Variants in EHMT1 observed in about 807,000 individuals in gnomAD.
EHMT1 encodes the protein euchromatic histone lysine methyltransferase 1.
In EHMT1, 15 loss-of-function variants were observed where a neutral mutation model predicts 147.2. The ratio of observed to expected loss-of-function variants is 0.10; its 90% confidence interval spans 0.07 to 0.16. The LOEUF (loss-of-function observed/expected upper bound fraction) is 0.16, where lower values mean the gene tolerates loss of function less well. Ranked by LOEUF, EHMT1 falls within the 10% of genes least tolerant of loss-of-function variation. EHMT1 has a pLI of 1.00. For synonymous variants in EHMT1, 795 were observed against 709.6 expected (o/e 1.12, Z -1.91); for missense variants, 1,587 against 1,772.4 (o/e 0.90, Z 1.88).
At chr9:137,683,045 C>T (rs938415038) in intron 1 of EHMT1, among the ~76,000 whole-genome samples, 3 of 152,210 alleles carry the variant, frequency 2.0e-5, no homozygotes, top group African/African-American at 4.8e-5. Context: ...GTTTCTAGTT[C>T]TTTCCACAGC....
In EHMT1 at chr9:137,743,953, G is replaced by A. The variant is rs778061195; in HGVS notation, c.1033G>A (p.Glu345Lys). The A allele has an allele frequency of 6.2e-7, 1 of 1,613,820 alleles. No individual in the cohort carries two copies. The highest frequency in any genetic ancestry group is 8.5e-7 in the Non-Finnish European group (1 of 1,179,918). ...SSLHVNGESL[E>K]MDSDEDDSEE... ...CCTGCACGTGAATGGGGAGAGCCTG[G>A]AGATGGACTCGGATGAGGACGACTC... Residue 345 changes from glutamate (E) to lysine (K), a missense_variant, in exon 6 of 27, where the codon GAG (glutamate) becomes AAG (lysine). This residue lies in a region of EHMT1 where 810 missense variants were observed against 673.0 expected (regional missense o/e 1.20). Transcript: ENST00000460843.
At chr9:137,780,900 T>TGTGGTGATGACGCTGGGAC (rs1951405362) in intron 14 of EHMT1, among the ~76,000 whole-genome samples, 2 of 86,996 alleles carry the variant, frequency 2.3e-5, no homozygotes, top group African/African-American at 9.3e-5. Flanking sequence ...GACGCTGGGA[T>TGTGGTGATGACGCTGGGAC]GTGTGGTGAT....
chr9:137,752,224 C>T, intron 6 of EHMT1, 107 bp from the exon 7 acceptor site: 1 of 1,329,992 alleles, frequency 7.5e-7, no homozygotes, highest in East Asian at 2.5e-5. Context: ...GCGTGTGCGG[C>T]CAGTGCCCGT....
intron 1 of EHMT1, among the ~76,000 whole-genome samples, chr9:137,684,105 G>T (rs1052316917): frequency 6.6e-6 from 1 of 151,998 alleles, no homozygotes; most frequent in Non-Finnish European, 1.5e-5. Flanking sequence ...TTGCAGTCAC[G>T]GCTCACTGTA....
intron 1 of EHMT1, among the ~76,000 whole-genome samples, chr9:137,623,454 G>A (rs1049045767): frequency 1.3e-4 from 20 of 151,378 alleles, no homozygotes; most frequent in African/African-American, 3.9e-4. Context: ...CCGCTCCGTC[G>A]CCCAGGCTGG....
intron 1 of EHMT1, among the ~76,000 whole-genome samples, chr9:137,669,919 C>G (rs953581849): frequency 1.3e-5 from 2 of 152,194 alleles, no homozygotes; most frequent in Non-Finnish European, 1.5e-5. Context: ...GGCGTAATCT[C>G]GGCTCTCTGC....
chr9:137,817,579 C>T (rs1266933228), intron 24 of EHMT1, 54 bp downstream of exon 24: 2 of 1,607,436 alleles, frequency 1.2e-6, no homozygotes, highest in Admixed American at 1.7e-5. Flanking sequence ...GGACGGAGGC[C>T]CATCTGTGTC....
chr9:137,803,019 A>G, intron 18 of EHMT1: 1 of 1,231,526 alleles, frequency 8.1e-7, no homozygotes, highest in Non-Finnish European at 1.0e-6. Context: ...AGGTGGGGCC[A>G]CCTCACCCAC....
intron 1 of EHMT1, among the ~76,000 whole-genome samples, chr9:137,656,679 G>A (rs948629990): frequency 5.9e-5 from 9 of 152,102 alleles, no homozygotes; most frequent in Admixed American, 3.3e-4. Flanking sequence ...TCCAAGGGCC[G>A]TGCTGGGCCT....
chr9:137,758,208 C>T (rs1031663572), intron 9 of EHMT1, among the ~76,000 whole-genome samples, 197 bp downstream of exon 9: 11 of 152,204 alleles, frequency 7.2e-5, no homozygotes, highest in Non-Finnish European at 1.5e-4. Context: ...AGAGACATTA[C>T]GGAAACCCTC....
intron 4 of EHMT1, among the ~76,000 whole-genome samples, chr9:137,730,306 C>T (rs1422411690): frequency 3.3e-5 from 5 of 152,224 alleles, no homozygotes; most frequent in African/African-American, 4.8e-5. Context: ...CCATGGCCCA[C>T]GCTTAGCTAG....
intron 18 of EHMT1, chr9:137,803,290 A>C (rs902013634): frequency 9.9e-7 from 1 of 1,008,986 alleles, no homozygotes; most frequent in Non-Finnish European, 1.2e-6. Flanking sequence ...ATTTTCACCC[A>C]GAAGCCATTG....
chr9:137,775,193 C>G lies in EHMT1; in HGVS notation c.1732C>G (p.His578Asp). 1 of 1,613,756 alleles carries G rather than the reference C, an allele frequency of 6.2e-7. No homozygotes were observed. The highest frequency in any genetic ancestry group is 8.5e-7 in the Non-Finnish European group (1 of 1,180,030). The change falls in exon 11 of 27, where the codon CAC (histidine) becomes GAC (aspartate). Residue 578 changes from histidine to aspartate, a missense_variant. His to Asp is a moderately conservative substitution (Grantham distance 81, BLOSUM62 -1). This residue lies in a region of EHMT1 where 124 missense variants were observed against 197.8 expected (regional missense o/e 0.63). Coordinates refer to ENST00000460843, the MANE Select transcript of EHMT1 (RefSeq NM_024757.5). This position sits in a 1 kb window ranked among gnomAD's most constrained non-coding sequence, Gnocchi z 6.1. The part of the protein sequence containing the change: ...KAPLLVLCED[H>D]RGRMVKHQCC... ...CCCGCTCCTCGTGCTGTGTGAAGAC[C>G]ACCGGGGCCGCATGGTGAAGCACCA...
chr9:137,742,324 TGTGTG>T, intron 4 of EHMT1, among the ~76,000 whole-genome samples: 1 of 151,482 alleles, frequency 6.6e-6, no homozygotes, highest in East Asian at 1.9e-4. Context: ...TGTGTGTGTG[TGTGTG>T]TGTAAGTAAA....
chr9:137,677,572 C>T (rs981116119), intron 1 of EHMT1, among the ~76,000 whole-genome samples: 5 of 151,880 alleles, frequency 3.3e-5, no homozygotes, highest in Admixed American at 1.3e-4. Context: ...ACTATAGGCG[C>T]CCGCCACCAC....
chr9:137,830,241 C>G (rs1956097839), intron 25 of EHMT1, among the ~76,000 whole-genome samples: 1 of 152,130 alleles, frequency 6.6e-6, no homozygotes, highest in Admixed American at 6.5e-5. Flanking sequence ...CTCTTCGGTA[C>G]CATGTGACAC....
chr9:137,723,175 T>A (rs371915059), intron 3 of EHMT1, among the ~76,000 whole-genome samples: 6 of 65,794 alleles, frequency 9.1e-5, no homozygotes, highest in South Asian at 7.1e-4. Context: ...TGGGCCTGAG[T>A]CCGGGGTGTG....
chr9:137,629,543 A>C (rs1489409933), intron 1 of EHMT1, among the ~76,000 whole-genome samples: 1 of 151,876 alleles, frequency 6.6e-6, no homozygotes, highest in East Asian at 1.9e-4. Context: ...ACAGGCGCCC[A>C]CCACCATGCC....
chr9:137,736,260 A>T (rs1435978015), intron 4 of EHMT1, among the ~76,000 whole-genome samples: 1 of 152,248 alleles, frequency 6.6e-6, no homozygotes, highest in African/African-American at 2.4e-5. Flanking sequence ...TACAATAAGA[A>T]GGTATAACAA....
Sources: allele counts gnomAD v4.1 joint callset (sites outside exome capture counted in the v4.1 genomes callset), GRCh38; gene constraint gnomAD v4.1.1; regional missense constraint gnomAD v4.1.1; non-coding constraint Gnocchi (gnomAD v3.1); transcripts MANE v1.5; gene names NCBI Gene and HGNC (gene_info 2026-07-23, HGNC 2026-07-21).